Variants in RAB3B observed in about 807,000 individuals in gnomAD.
RAB3B encodes ras-related protein Rab-3B.
In RAB3B, 11 loss-of-function variants were observed where a neutral mutation model predicts 20.5. The ratio of observed to expected loss-of-function variants is 0.54; its 90% CI spans 0.34 to 0.89. RAB3B has a LOEUF of 0.89. Ranked by LOEUF, RAB3B falls within the 40% of genes least tolerant of loss-of-function variation. RAB3B has a pLI of 0.02. For missense variants in RAB3B, 225 were observed against 280.9 expected (o/e 0.80, Z 1.42); for synonymous variants, 99 against 106.3 (o/e 0.93, Z 0.42).
intron 2 of RAB3B, among the ~76,000 whole-genome samples, chr1:51,963,443 A>G (rs1332078642): frequency 1.3e-5 from 2 of 152,156 alleles, no homozygotes; most frequent in East Asian, 3.9e-4. Context: ...CTTAAAGTCA[A>G]CTCTTTGCCT....
rs180795675 is a variant in RAB3B, at chr1:51,955,453, G to A, written c.229-18041C>T. ...GTCTCCCAGGCTGGAGTGCAGTGGC[G>A]CAATCTTGGCTCACTGCAATCTCTG... On this transcript the variant is annotated intron_variant, in intron 2 of 4. Transcript: ENST00000371655. Among the ~76,000 whole-genome samples, 8 of 151,954 alleles carry A rather than the reference G, an allele frequency of 5.3e-5. No individual in the cohort carries two copies. The East Asian group carries it at 5.8e-4, about 11-fold the overall frequency.
At position 51,978,627 on chromosome 1, in the gene RAB3B, T is replaced by C. The variant is rs776503093; in HGVS notation, c.1-1510A>G. On this transcript the variant is annotated intron_variant, in intron 1 of 4. Transcript: ENST00000371655. ...TATTTAAGTCTTTAATTGCTTCTCC[T>C]ATGTCTTGGAAGCCTCAGGTACCCT... 8.5e-5 allele frequency among the ~76,000 whole-genome samples: 13 copies of C among 152,352 alleles called. No homozygotes were observed. In the East Asian group the frequency reaches 2.5e-3, roughly 29 times the overall value.
At chr1:51,968,823 C>T (rs1187534569) in intron 2 of RAB3B, among the ~76,000 whole-genome samples, 1 of 152,186 alleles carries the variant, frequency 6.6e-6, no homozygotes, top group Non-Finnish European at 1.5e-5. Context: ...GCCCAGCACC[C>T]CATCTCACCT....
At chr1:51,958,441 C>T (rs749797434) in intron 2 of RAB3B, among the ~76,000 whole-genome samples, 9 of 152,106 alleles carry the variant, frequency 5.9e-5, no homozygotes, top group Non-Finnish European at 1.2e-4. Flanking sequence ...GTGGCATACT[C>T]GGCCGGGCGC....
chr1:51,954,631 C>T (rs1369119247), intron 2 of RAB3B, among the ~76,000 whole-genome samples: 3 of 152,090 alleles, frequency 2.0e-5, no homozygotes, highest in Non-Finnish European at 4.4e-5. Context: ...TACTTATTCT[C>T]CCTACTCGAG....
chr1:51,980,722 G>A (rs1685075195), intron 1 of RAB3B: 3 of 755,958 alleles, frequency 4.0e-6, no homozygotes, highest in Non-Finnish European at 4.8e-6. Flanking sequence ...CAGCAAAGTA[G>A]TCAGGAATCG....
intron 2 of RAB3B, among the ~76,000 whole-genome samples, chr1:51,975,006 G>A (rs924205873): frequency 6.6e-6 from 1 of 152,182 alleles, no homozygotes; most frequent in African/African-American, 2.4e-5. Context: ...CTGAGGTCAG[G>A]AGTTCAAGAT....
chr1:51,983,884 C>T (rs1452865666), intron 1 of RAB3B, among the ~76,000 whole-genome samples: 1 of 151,762 alleles, frequency 6.6e-6, no homozygotes, highest in Non-Finnish European at 1.5e-5. Flanking sequence ...TGCTTGAACC[C>T]AGGAGGCGGA....
chr1:51,963,124 A>G (rs1435522928), intron 2 of RAB3B, among the ~76,000 whole-genome samples: 1 of 152,126 alleles, frequency 6.6e-6, no homozygotes. Flanking sequence ...TCCTCCAGTG[A>G]TATTGATCTC....
intron 3 of RAB3B, among the ~76,000 whole-genome samples, chr1:51,936,745 T>G (rs1340957879): frequency 6.6e-6 from 1 of 152,062 alleles, no homozygotes; most frequent in Non-Finnish European, 1.5e-5. Flanking sequence ...CAGAGAGCCC[T>G]CTGCTGGGTT....
At position 51,965,219 on chromosome 1, in the gene RAB3B, C is replaced by CA. The variant is rs33966058; in HGVS notation, c.228+11670dup. On this transcript the variant is annotated intron_variant, in intron 2 of 4. Transcript: ENST00000371655. ...TGGGTGACAGAGTGAAATTCTGTCT[C>CA]AAAAAAAAAAAAAGAAACGAAAAAA... Among the ~76,000 whole-genome samples the CA allele has an allele frequency of 2.9e-3, 408 of 143,070 alleles. 2 individuals carry two copies. The highest frequency in any genetic ancestry group is 4.9e-3 in the Non-Finnish European group (322 of 65,440). The allele number at this position is 143,070 out of a possible 152,430, so 93.9% of individuals were successfully genotyped here. A position where few individuals can be genotyped will look rare whatever the true frequency, so the allele number is the denominator to read the frequency against.
intron 1 of RAB3B, among the ~76,000 whole-genome samples, chr1:51,985,868 T>C (rs1002425864): frequency 3.4e-5 from 5 of 148,814 alleles, no homozygotes; most frequent in South Asian, 2.1e-4. Flanking sequence ...AAAAAAAAAA[T>C]TGAGGCTCTG....
In RAB3B at chr1:51,919,854, G is replaced by T. The variant is rs1241148329; in HGVS notation, c.*73C>A. ...TAACAGGGAGAGTGGGCTGAGAGCG[G>T]ACAGTGTGTAACAGGGAGAAGCAGA... On this transcript the variant is annotated 3_prime_UTR_variant, in exon 5 of 5. Coordinates refer to ENST00000371655, the MANE Select transcript of RAB3B (RefSeq NM_002867.4). 1.2e-5 allele frequency: 17 copies of T among 1,423,806 alleles called. No homozygotes were observed. The Admixed American group carries it at 3.1e-4, about 26-fold the overall frequency. 88.2% of individuals were successfully genotyped at this position (1,423,806 alleles called of 1,614,324 possible). A position where few individuals can be genotyped will look rare whatever the true frequency, so the allele number is the denominator to read the frequency against.
At chr1:51,926,696 G>A (rs1235665344) in intron 4 of RAB3B, among the ~76,000 whole-genome samples, 1 of 152,200 alleles carries the variant, frequency 6.6e-6, no homozygotes, top group Non-Finnish European at 1.5e-5. Context: ...AACTATGACA[G>A]GCTTTTGGGA....
intron 2 of RAB3B, among the ~76,000 whole-genome samples, chr1:51,968,929 C>T (rs1571975980): frequency 2.6e-5 from 4 of 152,170 alleles, no homozygotes; most frequent in Non-Finnish European, 5.9e-5. Flanking sequence ...TCTTGTTTGT[C>T]CCATTGTTTG....
chr1:51,940,258 A>G (rs1373119764), intron 2 of RAB3B, among the ~76,000 whole-genome samples: 2 of 152,216 alleles, frequency 1.3e-5, no homozygotes, highest in Non-Finnish European at 2.9e-5. Flanking sequence ...GAAGGTGGCT[A>G]AGATATAACA....
Position 51,914,867 on chromosome 1 carries a change from A to G in RAB3B, c.*5060T>C, listed in dbSNP as rs577765323. On this transcript the variant is annotated 3_prime_UTR_variant, in exon 5 of 5. Transcript: ENST00000371655. ...GATACTCCAGAAAACTCGATATCCA[A>G]GCAAGGAGCTTAGTGGCCGGCAGGA... 10 of 152,362 alleles carry G rather than the reference A, an allele frequency of 6.6e-5. No individual in the cohort carries two copies. Among genetic ancestry groups the G allele is most frequent in the African/African-American group, 2.4e-4 (10 of 41,574 alleles). The allele number at this position is 152,362 out of a possible 1,614,324, so 9.4% of individuals were successfully genotyped here.
intron 2 of RAB3B, among the ~76,000 whole-genome samples, chr1:51,942,029 C>T (rs773167387): frequency 2.0e-5 from 3 of 152,198 alleles, no homozygotes; most frequent in Non-Finnish European, 2.9e-5. Flanking sequence ...AGTATTTGAT[C>T]CACTCCTCCT....
At position 51,914,920 on chromosome 1, in the gene RAB3B, T is replaced by A. The variant is rs1227195700; in HGVS notation, c.*5007A>T. ...AGGTGATATGAGTTGGGGAGTCAGG[T>A]CTGGAGAATGGTCTTATTCTGTGGA... On this transcript the variant is annotated 3_prime_UTR_variant, in exon 5 of 5. Coordinates refer to ENST00000371655, the MANE Select transcript of RAB3B (RefSeq NM_002867.4). 6.6e-6 allele frequency: 1 copy of A among 152,236 alleles called. No individual in the cohort carries two copies. Among genetic ancestry groups the A allele is most frequent in the East Asian group, 1.9e-4 (1 of 5,186 alleles). The allele number at this position is 152,236 out of a possible 1,614,324, so 9.4% of individuals were successfully genotyped here. A position where few individuals can be genotyped will look rare whatever the true frequency, so the allele number is the denominator to read the frequency against.
Sources: gnomAD v4.1 joint callset for allele counts (sites outside exome capture counted in the v4.1 genomes callset) on GRCh38, gnomAD v4.1.1 for gene constraint, MANE v1.5 for transcripts, NCBI Gene and HGNC (gene_info 2026-07-23, HGNC 2026-07-21) for gene names.